The following FANCI variants were observed in gnomAD, a reference collection of about 807,000 sequenced individuals.
FANCI encodes the protein FA complementation group I, also known as Fanconi anemia group I protein.
FANCI carries 156 observed loss-of-function variants against 176.1 expected under a neutral mutation model. The ratio of observed to expected loss-of-function variants is 0.89; its 90% CI spans 0.78 to 1.01. The LOEUF (loss-of-function observed/expected upper bound fraction) is 1.01. FANCI is among the 50% of genes least tolerant of loss of function. The pLI is 0.00. For missense variants in FANCI, 1,678 were observed against 1,534.1 expected, an observed-to-expected ratio of 1.09 and a Z score of -1.57; for synonymous variants, 613 against 541.7, an observed-to-expected ratio of 1.13 and a Z score of -1.83.
chr15:89,290,411 G>C (rs544865885), intron 19 of FANCI, 130 bp downstream of exon 19: 1 of 750,816 alleles, frequency 1.3e-6, no homozygotes, highest in African/African-American at 1.7e-5. Context: ...AACATGCTGT[G>C]GGTATGTTAT....
In FANCI at chr15:89,274,193, T is replaced by C; in HGVS notation, c.1001T>C (p.Val334Ala). 3 of 1,587,936 alleles carry C rather than the reference T, an allele frequency of 1.9e-6. No homozygotes were observed. Among genetic ancestry groups the C allele is most frequent in the Non-Finnish European group, 2.6e-6 (3 of 1,165,790 alleles). ...GTGCTTGATCTTTTAAAGACTTCGG[T>C]TGTAAAGAGCTTTAAGGATCTTCAA... ...DQVLDLLKTSVVKSFKDLQLL... is the reference protein window; with the variant it reads ...DQVLDLLKTSAVKSFKDLQLL... Residue 334 changes from valine (V) to alanine (A), a missense_variant, in exon 12 of 38, where the codon GTT becomes GCT. Transcript: ENST00000310775.
intron 2 of FANCI, among the ~76,000 whole-genome samples, chr15:89,250,186 A>G (rs1015708160): frequency 4.6e-5 from 7 of 152,234 alleles, no homozygotes; most frequent in Non-Finnish European, 8.8e-5. Flanking sequence ...CAGTGATCCC[A>G]TTACTGGGTA....
At chr15:89,312,715 G>C (rs1357322113) in intron 34 of FANCI, among the ~76,000 whole-genome samples, 189 bp from the exon 35 acceptor site, 1 of 152,036 alleles carries the variant, frequency 6.6e-6, no homozygotes, top group Non-Finnish European at 1.5e-5. Context: ...AGCTACTCGG[G>C]AGGCTGAGGC....
chr15:89,311,267 AAATT>A (rs1224071864), intron 34 of FANCI, among the ~76,000 whole-genome samples: 1 of 151,802 alleles, frequency 6.6e-6, no homozygotes, highest in African/African-American at 2.4e-5. Flanking sequence ...TCAAAAAAAA[AAATT>A]AGCCGGGCAT....
In FANCI at chr15:89,263,902, G is replaced by C; in HGVS notation, c.546-1G>C. 6.2e-7 allele frequency: 1 copy of C among 1,614,064 alleles called. No homozygotes were observed. The highest frequency in any genetic ancestry group is 8.5e-7 in the Non-Finnish European group (1 of 1,179,948). ...TAGCCTTTAGAATCTTTGATCCACA[G>C]GGATGTCCCTCTGACTGCAGAAGAG... On this transcript the variant is annotated splice_acceptor_variant, in intron 7 of 37. Coordinates refer to ENST00000310775, the MANE Select transcript of FANCI (RefSeq NM_001113378.2). LOFTEE classifies it high-confidence loss of function.
chr15:89,244,673 A>G (rs1192690535), intron 1 of FANCI, among the ~76,000 whole-genome samples: 2 of 152,184 alleles, frequency 1.3e-5, no homozygotes, highest in Non-Finnish European at 2.9e-5. Context: ...TCCTGTTTGC[A>G]TCCGGTAGTT....
intron 36 of FANCI, 114 bp from the exon 37 acceptor site, chr15:89,315,168 G>A (rs1448996120): frequency 3.7e-6 from 3 of 800,024 alleles, no homozygotes; most frequent in African/African-American, 3.4e-5. Flanking sequence ...GTGGGTGCGT[G>A]CTTGCTTTAG....
intron 34 of FANCI, among the ~76,000 whole-genome samples, chr15:89,310,705 G>GT (rs1253391071): frequency 2.0e-5 from 3 of 152,230 alleles, no homozygotes; most frequent in Non-Finnish European, 4.4e-5. Context: ...ACCTCTCAGT[G>GT]AACTGTTAAT....
chr15:89,268,525 G>A lies in FANCI; in HGVS notation c.882G>A (p.Lys294=). The change falls in exon 10 of 38, where the codon AAG becomes AAA. Residue 294 remains lysine, a splice_region_variant and synonymous_variant. Coordinates refer to ENST00000310775, the MANE Select transcript of FANCI (RefSeq NM_001113378.2). ...GCAGAGAACTCGTGAAACACTTAAA[G>A]GTAGCATCAAACTTGTAAGGTGATC... ...ELGRELVKHL[K]VGQQGDSNNN... 1 of 1,614,142 alleles carries A rather than the reference G, an allele frequency of 6.2e-7. No homozygotes were observed. Among genetic ancestry groups the A allele is most frequent in the Non-Finnish European group, 8.5e-7 (1 of 1,180,002 alleles).
intron 2 of FANCI, among the ~76,000 whole-genome samples, chr15:89,255,355 G>T (rs1239229033): frequency 6.6e-6 from 1 of 152,096 alleles, no homozygotes; most frequent in African/African-American, 2.4e-5. Context: ...TTGATAACCT[G>T]GTAACAGTGG....
In FANCI at chr15:89,304,614, G is replaced by A. The variant is rs571545462; in HGVS notation, c.3059-501G>A. Among the ~76,000 whole-genome samples, 4 of 152,288 alleles carry A rather than the reference G, an allele frequency of 2.6e-5. No individual in the cohort carries two copies. In the South Asian group the frequency reaches 8.3e-4, roughly 32 times the overall value. On this transcript the variant is annotated intron_variant, in intron 28 of 37. Coordinates refer to ENST00000310775, the MANE Select transcript of FANCI (RefSeq NM_001113378.2). Reference sequence around the variant, plus strand: ...GGAAATGTCTGCCTTCTTTGGGCATGTGGATAAAGAGGCATCATTGCAGAC... The same window carrying A: ...GGAAATGTCTGCCTTCTTTGGGCATATGGATAAAGAGGCATCATTGCAGAC...
At chr15:89,287,908 T>C (rs1483496633) in intron 18 of FANCI, among the ~76,000 whole-genome samples, 1 of 152,180 alleles carries the variant, frequency 6.6e-6, no homozygotes, top group Non-Finnish European at 1.5e-5. Context: ...GCAATAGTAA[T>C]GTCAAAGATC....
Position 89,258,742 on chromosome 15 carries a change from A to G in FANCI, c.123A>G (p.Lys41=), listed in dbSNP as rs1325221670. The change falls in exon 3 of 38, where the codon AAA becomes AAG. Residue 41 remains lysine (K), a synonymous_variant. Coordinates refer to ENST00000310775, the MANE Select transcript of FANCI (RefSeq NM_001113378.2). ...TTCAGAATCAAGCAGTGAAAGGAAA[A>G]GTTGCTGGAGCACTCCTGAGAGCCA... The part of the protein sequence containing the change: ...NLLQNQAVKG[K]VAGALLRAIF... 1 of 1,613,680 alleles carries G rather than the reference A, an allele frequency of 6.2e-7. No individual in the cohort carries two copies. Among genetic ancestry groups the G allele is most frequent in the Admixed American group, 1.7e-5 (1 of 60,012 alleles).
At chr15:89,298,402 G>C (rs1329798277) in intron 24 of FANCI, among the ~76,000 whole-genome samples, 1 of 152,156 alleles carries the variant, frequency 6.6e-6, no homozygotes, top group African/African-American at 2.4e-5. Flanking sequence ...TAGTCAAAAA[G>C]TCGTCAGGGA....
In FANCI at chr15:89,313,973, TCACACACACACACA is replaced by T. The variant is rs139859584; in HGVS notation, c.3721-622_3721-609del. ...TCACGTTAGGGGGAAAGATATATAA[TCACACACACACACA>T]CACACACACACACACAAATGTAGGA... On this transcript the variant is annotated intron_variant, in intron 35 of 37. Transcript: ENST00000310775. Among the ~76,000 whole-genome samples, 195 of 98,352 alleles carry T rather than the reference TCACACACACACACA, an allele frequency of 2.0e-3. 1 individual carries two copies. Among genetic ancestry groups the T allele is most frequent in the African/African-American group, 7.3e-3 (170 of 23,428 alleles). 64.5% of individuals were successfully genotyped at this position (98,352 alleles called of 152,430 possible). A position where few individuals can be genotyped will look rare whatever the true frequency, so the allele number is the denominator to read the frequency against.
At chr15:89,313,037 A>G (rs2055033310) in intron 35 of FANCI, 65 bp downstream of exon 35, 20 of 1,479,642 alleles carry the variant, frequency 1.4e-5, no homozygotes, top group Non-Finnish European at 1.6e-5. Context: ...GAAGCGGAAG[A>G]AGCCAGTGAC....
Position 89,316,383 on chromosome 15 carries a change from CT to C in FANCI, c.3925-11del, listed in dbSNP as rs2055262805. 4 of 1,606,392 alleles carry C rather than the reference CT, an allele frequency of 2.5e-6. No homozygotes were observed. The highest frequency in any genetic ancestry group is 3.4e-6 in the Non-Finnish European group (4 of 1,175,752). On this transcript the variant is annotated splice_polypyrimidine_tract_variant and intron_variant, in intron 37 of 37. Coordinates refer to ENST00000310775, the MANE Select transcript of FANCI (RefSeq NM_001113378.2). ...GGTTTATCACGTTAGAGCATTAATTCTTTCCCCTTCTAGGGCACTGCATCAG... is the reference window on the plus strand; with the variant it reads ...GGTTTATCACGTTAGAGCATTAATTCTTCCCCTTCTAGGGCACTGCATCAG...
At chr15:89,293,120 T>C in intron 22 of FANCI, 57 bp downstream of exon 22, 1 of 1,581,278 alleles carries the variant, frequency 6.3e-7, no homozygotes, top group Non-Finnish European at 8.7e-7. Context: ...TTTATTTACA[T>C]ATTTTTACTG....
chr15:89,293,810 G>T, intron 22 of FANCI, 23 bp from the exon 23 acceptor site: 1 of 1,610,322 alleles, frequency 6.2e-7, no homozygotes, highest in Non-Finnish European at 8.5e-7. Flanking sequence ...TGTCCTTAGC[G>T]GTCTCTTTTT....
Sources: allele counts gnomAD v4.1 joint callset (sites outside exome capture counted in the v4.1 genomes callset), GRCh38; gene constraint gnomAD v4.1.1; transcripts MANE v1.5; gene names NCBI Gene and HGNC (gene_info 2026-07-23, HGNC 2026-07-21).